Variants in LRP1B observed in about 807,000 individuals in gnomAD.
The protein encoded by LRP1B is LDL receptor related protein 1B.
A neutral mutation model predicts 556.6 loss-of-function variants in LRP1B; 217 were observed. The observed-to-expected ratio is 0.39, with a 90% CI of 0.35 to 0.44. LRP1B has a LOEUF of 0.44. Ranked by LOEUF, LRP1B falls within the 20% of genes least tolerant of loss-of-function variation. The pLI is 1.00. For synonymous variants in LRP1B, 2,047 were observed against 1,865.8 expected (o/e 1.10, Z -2.50); for missense variants, 5,053 against 5,620.8 (o/e 0.90, Z 3.23).
chr2:141,865,315 G>A lies in LRP1B; in HGVS notation c.83-54914C>T, dbSNP rs534472705. On this transcript the variant is annotated intron_variant, in intron 1 of 90. Transcript: ENST00000389484. ...GCATATCATCAAGACAGAAATGGCC[G>A]GGCGCGGTGGCTCACGCCTGTAATC... Among the ~76,000 whole-genome samples the A allele has an allele frequency of 1.1e-3, 161 of 152,144 alleles. 2 individuals are homozygous for A. Among genetic ancestry groups the A allele is most frequent in the Middle Eastern group, 6.8e-3 (2 of 294 alleles).
chr2:141,401,845 T>C (rs1690462900), intron 3 of LRP1B, among the ~76,000 whole-genome samples: 1 of 152,196 alleles, frequency 6.6e-6, no homozygotes, highest in Non-Finnish European at 1.5e-5. Context: ...TTTCAAGTTC[T>C]CTATGCTTTG....
intron 72 of LRP1B, among the ~76,000 whole-genome samples, chr2:140,361,529 A>C (rs1486316648): frequency 6.6e-6 from 1 of 150,810 alleles, no homozygotes; most frequent in East Asian, 2.0e-4. Flanking sequence ...ATGTAAAAGT[A>C]ATCATTTTTC....
At chr2:141,005,040 T>C (rs559540266) in intron 15 of LRP1B, among the ~76,000 whole-genome samples, 14 of 152,160 alleles carry the variant, frequency 9.2e-5, no homozygotes, top group African/African-American at 3.1e-4. Context: ...CAACAATGCA[T>C]TTTTAGTTGC....
chr2:142,091,192 A>C (rs994397910), intron 1 of LRP1B, among the ~76,000 whole-genome samples: 2 of 152,152 alleles, frequency 1.3e-5, no homozygotes, highest in Non-Finnish European at 2.9e-5. Context: ...ATATTTATCT[A>C]CAACTTCTAT....
chr2:141,843,232 C>A (rs1407637877), intron 1 of LRP1B, among the ~76,000 whole-genome samples: 4 of 152,156 alleles, frequency 2.6e-5, no homozygotes, highest in South Asian at 4.1e-4. Context: ...TGTGGCAAAG[C>A]TGGAGCAGTA....
intron 2 of LRP1B, among the ~76,000 whole-genome samples, chr2:141,543,213 T>C (rs925328660): frequency 5.9e-5 from 9 of 151,966 alleles, no homozygotes; most frequent in African/African-American, 2.2e-4. Context: ...CTTGAACATT[T>C]AAATATTATA....
At chr2:140,271,767 T>C (rs943339285) in intron 85 of LRP1B, among the ~76,000 whole-genome samples, 1 of 151,860 alleles carries the variant, frequency 6.6e-6, no homozygotes, top group Non-Finnish European at 1.5e-5. Context: ...CTTTATAACC[T>C]ATAGAGGCAC....
rs1157843754 is a variant in LRP1B, at chr2:141,232,321, C to T, written c.593-2881G>A. Among the ~76,000 whole-genome samples the T allele has an allele frequency of 3.9e-5, 6 of 152,222 alleles. No individual in the cohort carries two copies. The East Asian group carries it at 1.2e-3, about 29-fold the overall frequency. On this transcript the variant is annotated intron_variant, in intron 5 of 90. Transcript: ENST00000389484. ...ACAAAGATAGACTGACAATGTCAGT[C>T]CTTAGTGTCTTCATTTGACAACTGA...
rs1169546646 is a variant in LRP1B at position 140,534,130 on chromosome 2, G to A, written c.7653C>T (p.Ser2551=). The change falls in exon 47 of 91, where the codon AGC becomes AGT. Residue 2551 remains serine (S), a synonymous_variant. Coordinates refer to ENST00000389484, the MANE Select transcript of LRP1B (RefSeq NM_018557.3). ...AGCATGGCTTGAAGCCTCTTCGACA[G>A]CTTCTGTTTTCTTATAAATAAAAGT... is the stretch of plus-strand genomic sequence containing the variant. ...DEKLLYCENR[S]CRRGFKPCYN... The A allele has an allele frequency of 1.9e-6, 3 of 1,611,424 alleles. No homozygotes were observed. In the South Asian group the frequency reaches 3.3e-5, roughly 18 times the overall value.
chr2:140,650,970 C>T (rs1232936524), intron 41 of LRP1B, among the ~76,000 whole-genome samples: 2 of 152,056 alleles, frequency 1.3e-5, no homozygotes, highest in Non-Finnish European at 2.9e-5. Flanking sequence ...GTTTTCTTAA[C>T]CCCATGTCTC....
chr2:141,318,470 G>A (rs927983285), intron 3 of LRP1B, among the ~76,000 whole-genome samples: 1 of 152,094 alleles, frequency 6.6e-6, no homozygotes, highest in African/African-American at 2.4e-5. Flanking sequence ...GAAAGTGGAG[G>A]AGAGGCTACT....
intron 1 of LRP1B, among the ~76,000 whole-genome samples, chr2:141,882,796 C>T (rs1698995106): frequency 6.6e-6 from 1 of 152,170 alleles, no homozygotes; most frequent in African/African-American, 2.4e-5. Flanking sequence ...TAACCTCAAA[C>T]TCCTGGGCTC....
At chr2:141,428,827 C>T (rs947164148) in intron 3 of LRP1B, among the ~76,000 whole-genome samples, 2 of 152,252 alleles carry the variant, frequency 1.3e-5, no homozygotes, top group African/African-American at 4.8e-5. Context: ...TGCCTCCAAC[C>T]ACAACTTTTA....
At chr2:142,012,498 A>G (rs577147622) in intron 1 of LRP1B, among the ~76,000 whole-genome samples, 37 of 152,142 alleles carry the variant, frequency 2.4e-4, no homozygotes, top group Admixed American at 2.6e-4. Flanking sequence ...GGTAATGACA[A>G]TCACAATATT....
At chr2:141,358,814 T>C (rs1167735080) in intron 3 of LRP1B, among the ~76,000 whole-genome samples, 1 of 152,110 alleles carries the variant, frequency 6.6e-6, no homozygotes, top group Non-Finnish European at 1.5e-5. Flanking sequence ...TACGACATAA[T>C]TGGAGGTTCG....
intron 5 of LRP1B, among the ~76,000 whole-genome samples, chr2:141,246,783 G>T (rs1319446181): frequency 6.6e-6 from 1 of 152,122 alleles, no homozygotes; most frequent in Non-Finnish European, 1.5e-5. Context: ...TGGCCAACAT[G>T]GTGAGACCCT....
chr2:141,355,290 T>C (rs1420199636), intron 3 of LRP1B, among the ~76,000 whole-genome samples: 1 of 151,568 alleles, frequency 6.6e-6, no homozygotes, highest in East Asian at 1.9e-4. Flanking sequence ...ACTAATGTTT[T>C]AATAATATTT....
At chr2:141,657,546 T>A (rs1436337007) in intron 2 of LRP1B, among the ~76,000 whole-genome samples, 1 of 152,176 alleles carries the variant, frequency 6.6e-6, no homozygotes, top group Non-Finnish European at 1.5e-5. Context: ...CACACTATTG[T>A]AAGTGAAAGC....
chr2:140,524,958 A>C (rs975652831), intron 49 of LRP1B, among the ~76,000 whole-genome samples: 1 of 151,934 alleles, frequency 6.6e-6, no homozygotes, highest in African/African-American at 2.4e-5. Flanking sequence ...AATTTAAACA[A>C]TTATATACAT....
Sources: gnomAD v4.1 joint callset for allele counts (sites outside exome capture counted in the v4.1 genomes callset) on GRCh38, gnomAD v4.1.1 for gene constraint, MANE v1.5 for transcripts, NCBI Gene and HGNC (gene_info 2026-07-23, HGNC 2026-07-21) for gene names.